Variants in DLGAP1 observed in about 807,000 individuals in gnomAD.
DLGAP1 encodes the protein disks large-associated protein 1.
In DLGAP1, 11 loss-of-function variants were observed where a neutral mutation model predicts 90.8. The observed-to-expected ratio is 0.12, with a 90% CI of 0.08 to 0.20. DLGAP1 has a LOEUF of 0.20. DLGAP1 is among the 10% of genes least tolerant of loss of function. The probability of loss-of-function intolerance (pLI) is 1.00; values close to 1 mark genes in which losing one functional copy is unlikely to be tolerated. For synonymous variants in DLGAP1, 558 were observed against 540.7 expected (o/e 1.03, Z -0.44); for missense variants, 1,050 against 1,333.8 (o/e 0.79, Z 3.31).
rs962601987 is a variant in DLGAP1 at position 4,140,584 on chromosome 18, A to G, written c.-159+10596T>C. Among the ~76,000 whole-genome samples the G allele has an allele frequency of 3.9e-5, 6 of 151,906 alleles. 1 individual carries two copies. The East Asian group carries it at 7.7e-4, about 19-fold the overall frequency. ...TTTATACACCACAATTTACAACACC[A>G]CAGTGTTGTAATATTCTGTGTTTTT... On this transcript the variant is annotated intron_variant, in intron 2 of 12. Transcript: ENST00000315677.
chr18:3,828,639 CAAAAAAAAA>C (rs71368713), intron 4 of DLGAP1, among the ~76,000 whole-genome samples: 1 of 21,368 alleles, frequency 4.7e-5, no homozygotes, highest in Non-Finnish European at 8.2e-5. Context: ...GACTCTATCT[CAAAAAAAAA>C]AAAAAAAAAA....
intron 1 of DLGAP1, among the ~76,000 whole-genome samples, chr18:4,169,593 C>T (rs1189699407): frequency 6.6e-6 from 1 of 152,204 alleles, no homozygotes; most frequent in Non-Finnish European, 1.5e-5. Context: ...GCTCCGATCT[C>T]AACCATCATA....
Position 3,879,883 on chromosome 18 carries a change from G to A in DLGAP1, c.186C>T (p.Ser62=), listed in dbSNP as rs886110395. The A allele has an allele frequency of 8.7e-6, 14 of 1,611,158 alleles. No individual in the cohort carries two copies. In the East Asian group the frequency reaches 2.7e-4, roughly 31 times the overall value. The change falls in exon 4 of 13, where the codon AGC becomes AGT. Residue 62 remains serine, a synonymous_variant. Coordinates refer to ENST00000315677, the MANE Select transcript of DLGAP1 (RefSeq NM_004746.4). The surrounding 1 kb of genome is among the most constrained non-coding windows in gnomAD (Gnocchi z 6.6). ...SFQAECVGPF[S]DPLASSTFPR... is the part of the protein sequence containing the mutation. ...GGAAGGTGCTGCTGGCCAGCGGGTC[G>A]CTGAAGGGGCCCACGCACTCAGCCT...
intron 7 of DLGAP1, among the ~76,000 whole-genome samples, chr18:3,650,223 T>C (rs1013513873): frequency 6.6e-6 from 1 of 152,186 alleles, no homozygotes; most frequent in Non-Finnish European, 1.5e-5. Context: ...TTTGTATTTT[T>C]AGTAGAGACA....
At chr18:3,725,674 T>G (rs1374215717) in intron 7 of DLGAP1, among the ~76,000 whole-genome samples, 2 of 152,186 alleles carry the variant, frequency 1.3e-5, no homozygotes, top group African/African-American at 4.8e-5. Context: ...GAAATCTGGG[T>G]GCTTGAAGTA....
rs111386193 is a variant in DLGAP1 at position 3,674,309 on chromosome 18, ATATG to A, written c.1591+54822_1591+54825del. Among the ~76,000 whole-genome samples, 243 of 140,496 alleles carry A rather than the reference ATATG, an allele frequency of 1.7e-3. 1 individual carries two copies. Among genetic ancestry groups the A allele is most frequent in the African/African-American group, 6.6e-3 (233 of 35,078 alleles). 92.2% of individuals were successfully genotyped at this position (140,496 alleles called of 152,430 possible). A position where few individuals can be genotyped will look rare whatever the true frequency, so the allele number is the denominator to read the frequency against. On this transcript the variant is annotated intron_variant, in intron 7 of 12. Coordinates refer to ENST00000315677, the MANE Select transcript of DLGAP1 (RefSeq NM_004746.4). ...CTATAATATTAAAATATATATATAT[ATATG>A]TATATTTTAAAAAATGCTGCCATGG...
At chr18:3,878,560 G>A (rs1436036424) in intron 4 of DLGAP1, among the ~76,000 whole-genome samples, 1 of 152,158 alleles carries the variant, frequency 6.6e-6, no homozygotes, top group African/African-American at 2.4e-5. Context: ...AGGGCACAGG[G>A]CGTCTTCCTG....
chr18:3,499,469 A>G lies in DLGAP1; in HGVS notation c.2725-75T>C. On this transcript the variant is annotated intron_variant, in intron 12 of 12. Transcript: ENST00000315677. The surrounding 1 kb of genome is among the most constrained non-coding windows in gnomAD (Gnocchi z 6.4). ...TTGGGAAAAACTGGGATAGGTCAGTAGTTAGAACACACAGTTTTTTACCTA... is the reference window on the plus strand; with the variant it reads ...TTGGGAAAAACTGGGATAGGTCAGTGGTTAGAACACACAGTTTTTTACCTA... The G allele has an allele frequency of 6.8e-7, 1 of 1,469,548 alleles. No homozygotes were observed. Among genetic ancestry groups the G allele is most frequent in the Non-Finnish European group, 9.2e-7 (1 of 1,085,764 alleles). 91.0% of individuals were successfully genotyped at this position (1,469,548 alleles called of 1,614,324 possible).
intron 3 of DLGAP1, among the ~76,000 whole-genome samples, chr18:3,904,452 C>A (rs1378914511): frequency 1.3e-5 from 2 of 151,126 alleles, no homozygotes; most frequent in Non-Finnish European, 2.9e-5. Context: ...TATGGGAGTC[C>A]TTAAGCCTGG....
chr18:4,350,886 T>C (rs1011454640), intron 1 of DLGAP1, among the ~76,000 whole-genome samples: 1 of 152,130 alleles, frequency 6.6e-6, no homozygotes, highest in African/African-American at 2.4e-5. Flanking sequence ...TGTTATTATT[T>C]TACTAGCTAA....
intron 1 of DLGAP1, among the ~76,000 whole-genome samples, chr18:4,348,518 T>C (rs1357853117): frequency 6.6e-6 from 1 of 151,890 alleles, no homozygotes; most frequent in Non-Finnish European, 1.5e-5. Context: ...CTCTGTCAGG[T>C]GACCTAGAAG....
chr18:3,847,821 G>T (rs1420140729), intron 4 of DLGAP1, among the ~76,000 whole-genome samples: 1 of 152,084 alleles, frequency 6.6e-6, no homozygotes, highest in African/African-American at 2.4e-5. Context: ...CCCCAAAAGG[G>T]CTAAAGCCCA....
chr18:4,431,270 T>C (rs1396713674), intron 1 of DLGAP1: 1 of 152,280 alleles, frequency 6.6e-6, no homozygotes, highest in African/African-American at 2.4e-5. Flanking sequence ...TGTCATTTAA[T>C]ACACAAAGTC....
At chr18:4,285,033 AT>A (rs11299687) in intron 1 of DLGAP1, among the ~76,000 whole-genome samples, 100,854 of 151,666 alleles carry the variant, frequency 0.66, 34,884 homozygotes, top group East Asian at 0.79. Flanking sequence ...TTGTAAAACT[AT>A]TTTTTTTTAC....
chr18:3,648,282 G>T (rs577430086), intron 7 of DLGAP1, among the ~76,000 whole-genome samples: 1 of 152,116 alleles, frequency 6.6e-6, no homozygotes, highest in African/African-American at 2.4e-5. Flanking sequence ...AACCCATAAC[G>T]TATGCTCTTT....
intron 1 of DLGAP1, among the ~76,000 whole-genome samples, chr18:4,339,936 A>C (rs547110117): frequency 6.6e-6 from 1 of 152,274 alleles, no homozygotes; most frequent in African/African-American, 2.4e-5. Context: ...AAGATTTTAG[A>C]CTTATATATT....
At chr18:3,874,862 A>G in intron 4 of DLGAP1, 1 of 989,446 alleles carries the variant, frequency 1.0e-6, no homozygotes, top group Non-Finnish European at 1.4e-6. Flanking sequence ...GTGAGCACTT[A>G]TCACTCATAA....
intron 1 of DLGAP1, among the ~76,000 whole-genome samples, chr18:4,227,759 A>AT (rs1409820733): frequency 6.6e-6 from 1 of 151,154 alleles, no homozygotes; most frequent in Non-Finnish European, 1.5e-5. Context: ...AAAACTTCAA[A>AT]TAAAAAAAAA....
chr18:3,576,022 CT>C (rs1220561385), intron 8 of DLGAP1, among the ~76,000 whole-genome samples: 1 of 152,122 alleles, frequency 6.6e-6, no homozygotes, highest in Admixed American at 6.6e-5. Flanking sequence ...AGACAAAGAG[CT>C]TTGTTTTGGT....
Sources: gnomAD v4.1 joint callset for allele counts (sites outside exome capture counted in the v4.1 genomes callset) on GRCh38, gnomAD v4.1.1 for gene constraint, Gnocchi (gnomAD v3.1) non-coding constraint, MANE v1.5 for transcripts, NCBI Gene and HGNC (gene_info 2026-07-23, HGNC 2026-07-21) for gene names.